Variants in RASGEF1B observed in about 807,000 individuals in gnomAD.
The protein encoded by RASGEF1B is RasGEF domain family member 1B.
A neutral mutation model predicts 65.7 loss-of-function variants in RASGEF1B; 30 were observed. The observed-to-expected ratio is 0.46, with a 90% confidence interval of 0.34 to 0.62. The LOEUF (loss-of-function observed/expected upper bound fraction) is 0.62, where lower values mean the gene tolerates loss of function less well. Among genes scored for constraint, RASGEF1B ranks in the 20% least tolerant of loss-of-function variants. The pLI is 0.01. For synonymous variants in RASGEF1B, 175 were observed against 194.8 expected, an observed-to-expected ratio of 0.90 and a Z score of 0.85; for missense variants, 495 against 580.1, an observed-to-expected ratio of 0.85 and a Z score of 1.51.
rs1324403850 is a variant in RASGEF1B, at chr4:81,427,309, T to C, written c.*459A>G. On this transcript the variant is annotated 3_prime_UTR_variant, in exon 14 of 14. Coordinates refer to ENST00000264400, the MANE Select transcript of RASGEF1B (RefSeq NM_152545.3). ...GGGATCTAAACGGGGGGGTTTTAGA[T>C]CCCCTCCCTCCACTCCTTTCTTCAT... 1.3e-5 allele frequency: 2 copies of C among 156,568 alleles called. No individual in the cohort carries two copies. The highest frequency in any genetic ancestry group is 3.8e-4 in the East Asian group (2 of 5,300). The allele number at this position is 156,568 out of a possible 1,614,324, so 9.7% of individuals were successfully genotyped here.
chr4:81,442,518 C>CT, intron 8 of RASGEF1B, 142 bp from the exon 9 acceptor site: 1 of 629,526 alleles, frequency 1.6e-6, no homozygotes, highest in Non-Finnish European at 2.8e-6. Flanking sequence ...AATTTTATAA[C>CT]TTTTTTTGTT....
intron 13 of RASGEF1B, among the ~76,000 whole-genome samples, chr4:81,428,211 C>T (rs2109960717): frequency 6.6e-6 from 1 of 152,162 alleles, no homozygotes; most frequent in South Asian, 2.1e-4. Flanking sequence ...GGGTGTCTGC[C>T]GTCAGAGGTG....
rs1408826266 is a variant in RASGEF1B, at chr4:81,427,732, A to T, written c.*36T>A. 9 of 1,612,038 alleles carry T rather than the reference A, an allele frequency of 5.6e-6. No individual in the cohort carries two copies. Among genetic ancestry groups the T allele is most frequent in the Non-Finnish European group, 7.6e-6 (9 of 1,179,036 alleles). On this transcript the variant is annotated 3_prime_UTR_variant, in exon 14 of 14. Transcript: ENST00000264400. ...GGCCAGCCCCTCCATGATCTGCAGGAAGCAGCAGCAGCAGCAGGCAGGCAG... is the reference window on the plus strand; with the variant it reads ...GGCCAGCCCCTCCATGATCTGCAGGTAGCAGCAGCAGCAGCAGGCAGGCAG...
In RASGEF1B at chr4:81,457,587, C is replaced by T. The variant is rs764398254; in HGVS notation, c.212G>A (p.Arg71Gln). 9.9e-6 allele frequency: 16 copies of T among 1,613,922 alleles called. No homozygotes were observed. Among genetic ancestry groups the T allele is most frequent in the Non-Finnish European group, 1.2e-5 (14 of 1,179,938 alleles). ...TYIFTFLLSS[R>Q]LFMHPYELMA... ...TAGCTCATACGGATGCATAAATAACCGAGAACTGAGTAGGAAGGTAAATAT... is the reference window on the plus strand; with the variant it reads ...TAGCTCATACGGATGCATAAATAACTGAGAACTGAGTAGGAAGGTAAATAT... The change falls in exon 3 of 14, where the codon CGG becomes CAG. Residue 71 changes from arginine (R) to glutamine (Q), a missense_variant. Physicochemically the swap from Arg to Gln is conservative, Grantham distance 43. Transcript: ENST00000264400.
intron 13 of RASGEF1B, among the ~76,000 whole-genome samples, chr4:81,431,409 C>T (rs938517420): frequency 6.6e-6 from 1 of 152,032 alleles, no homozygotes; most frequent in African/African-American, 2.4e-5. Flanking sequence ...CAATCCTTCA[C>T]CAATTACTAT....
intron 12 of RASGEF1B, 96 bp downstream of exon 12, chr4:81,433,744 G>A (rs1721513322): frequency 4.0e-6 from 5 of 1,250,222 alleles, no homozygotes; most frequent in East Asian, 2.4e-5. Context: ...CAGAGGACAG[G>A]CCTCATTACT....
At chr4:81,456,963 G>A (rs1722466618) in intron 3 of RASGEF1B, among the ~76,000 whole-genome samples, 175 bp from the exon 4 acceptor site, 1 of 152,062 alleles carries the variant, frequency 6.6e-6, no homozygotes, top group Non-Finnish European at 1.5e-5. Context: ...CTTAAGGCAG[G>A]ACCTAGGGAT....
intron 4 of RASGEF1B, chr4:81,453,554 T>C (rs2109986974): frequency 6.6e-6 from 1 of 152,348 alleles, no homozygotes; most frequent in South Asian, 2.1e-4. Flanking sequence ...CTGAGGTTGG[T>C]TGAACCCATG....
intron 13 of RASGEF1B, among the ~76,000 whole-genome samples, chr4:81,428,188 T>G (rs959084775): frequency 6.6e-6 from 1 of 152,172 alleles, no homozygotes; most frequent in Admixed American, 6.5e-5. Context: ...GTTTAAACAA[T>G]AGTTGACAAT....
rs1180974918 is a variant in RASGEF1B at position 81,440,885 on chromosome 4, AGCTGTTC to A, written c.1046_1052del (p.Arg349LeufsTer10). 6.2e-7 allele frequency: 1 copy of A among 1,613,360 alleles called. No homozygotes were observed. Among genetic ancestry groups the A allele is most frequent in the East Asian group, 2.2e-5 (1 of 44,840 alleles). On this transcript the variant is annotated frameshift_variant, in exon 10 of 14. Coordinates refer to ENST00000264400, the MANE Select transcript of RASGEF1B (RefSeq NM_152545.3). LOFTEE classifies it high-confidence loss of function. Reference sequence around the variant, plus strand: ...AAGACCTTTGTGCTGCCCCACGAAGAGCTGTTCGATAATTATAGAAATTGCTTGAAGG... The same window carrying A: ...AAGACCTTTGTGCTGCCCCACGAAGAGATAATTATAGAAATTGCTTGAAGG...
At chr4:81,429,712 C>A (rs768509905) in intron 13 of RASGEF1B, among the ~76,000 whole-genome samples, 1 of 152,230 alleles carries the variant, frequency 6.6e-6, no homozygotes, top group East Asian at 1.9e-4. Context: ...GGGGAGCACA[C>A]TGGTAGAAGG....
chr4:81,435,405 G>A (rs1358319279), intron 10 of RASGEF1B, among the ~76,000 whole-genome samples: 5 of 114,632 alleles, frequency 4.4e-5, no homozygotes, highest in South Asian at 3.5e-4. Flanking sequence ...GCGACAGAGC[G>A]AGACTCCCTC....
At chr4:81,444,401 A>G (rs991122401) in intron 8 of RASGEF1B, among the ~76,000 whole-genome samples, 1 of 152,170 alleles carries the variant, frequency 6.6e-6, no homozygotes, top group Non-Finnish European at 1.5e-5. Flanking sequence ...GGGGGGAGAG[A>G]AAGAGGAAAT....
rs1308099056 is a variant in RASGEF1B, at chr4:81,441,072, C to T, written c.1009-143G>A. The T allele has an allele frequency of 6.9e-5, 39 of 561,592 alleles. No homozygotes were observed. The East Asian group carries it at 9.2e-4, about 13-fold the overall frequency. The allele number at this position is 561,592 out of a possible 1,614,324, so 34.8% of individuals were successfully genotyped here. On this transcript the variant is annotated intron_variant, in intron 9 of 13. Coordinates refer to ENST00000264400, the MANE Select transcript of RASGEF1B (RefSeq NM_152545.3). The stretch of plus-strand genomic sequence containing the variant: ...AGGAATATGATTTATCCTTCTCATA[C>T]ACACAAATGCACATGACACAAGTGT...
chr4:81,435,376 AGTCCG>A (rs1721580324), intron 10 of RASGEF1B, among the ~76,000 whole-genome samples: 2 of 136,618 alleles, frequency 1.5e-5, no homozygotes, highest in Admixed American at 1.5e-4. Flanking sequence ...GCGCCACTGC[AGTCCG>A]CAGTCCGGCC....
chr4:81,440,971 GTAAACTTCTGTAGGAAGTT>G, intron 9 of RASGEF1B, 42 bp from the exon 10 acceptor site: 1 of 1,296,090 alleles, frequency 7.7e-7, no homozygotes, highest in Non-Finnish European at 1.1e-6. Context: ...TTTATTTATT[GTAAACTTCTGTAGGAAGTT>G]TATAAGATCA....
At chr4:81,460,665 G>T (rs1426003714) in intron 1 of RASGEF1B, among the ~76,000 whole-genome samples, 3 of 152,204 alleles carry the variant, frequency 2.0e-5, no homozygotes, top group Non-Finnish European at 4.4e-5. Flanking sequence ...CACATCCTGT[G>T]CATGTGCCTC....
intron 1 of RASGEF1B, among the ~76,000 whole-genome samples, chr4:81,466,964 A>AAG: frequency 6.6e-6 from 1 of 150,684 alleles, no homozygotes; most frequent in Non-Finnish European, 1.5e-5. Flanking sequence ...AAGAAAAAAA[A>AAG]GGTATTGTAT....
At chr4:81,457,374 T>C (rs543672684) in intron 3 of RASGEF1B, 125 bp downstream of exon 3, 14 of 839,882 alleles carry the variant, frequency 1.7e-5, no homozygotes, top group Middle Eastern at 5.7e-4. Context: ...TCCCCTTGTA[T>C]AGCCATGATG....
Sources: gnomAD v4.1 joint callset for allele counts (sites outside exome capture counted in the v4.1 genomes callset) on GRCh38, gnomAD v4.1.1 for gene constraint, MANE v1.5 for transcripts, NCBI Gene and HGNC (gene_info 2026-07-23, HGNC 2026-07-21) for gene names.